Variants in KCNQ3 observed in about 807,000 individuals in gnomAD.
The protein encoded by KCNQ3 is potassium voltage-gated channel subfamily Q member 3.
In KCNQ3, 30 loss-of-function variants were observed where a neutral mutation model predicts 92.5. The ratio of observed to expected loss-of-function variants is 0.32; its 90% CI spans 0.24 to 0.44. KCNQ3 has a LOEUF of 0.44. KCNQ3 is among the 20% of genes least tolerant of loss of function. KCNQ3 has a pLI of 1.00. For missense variants in KCNQ3, 913 were observed against 1,140.3 expected, an observed-to-expected ratio of 0.80 and a Z score of 2.87; for synonymous variants, 450 against 468.8, an observed-to-expected ratio of 0.96 and a Z score of 0.52.
chr8:132,350,725 C>T (rs184196006), intron 1 of KCNQ3, among the ~76,000 whole-genome samples: 1 of 152,278 alleles, frequency 6.6e-6, no homozygotes, highest in Non-Finnish European at 1.5e-5. Flanking sequence ...TCCTCACGCA[C>T]GTGAGTCTTA....
At chr8:132,359,355 G>C (rs971255771) in intron 1 of KCNQ3, among the ~76,000 whole-genome samples, 4 of 152,154 alleles carry the variant, frequency 2.6e-5, no homozygotes, top group Admixed American at 6.5e-5. Flanking sequence ...GCATGGATTG[G>C]CATGAGGCTC....
At position 132,175,597 on chromosome 8, in the gene KCNQ3, C is replaced by T. The variant is rs762086066; in HGVS notation, c.789G>A (p.Thr263=). Residue 263 remains threonine (T), a synonymous_variant, in exon 5 of 15, where the codon ACG becomes ACA. Coordinates refer to ENST00000388996, the MANE Select transcript of KCNQ3 (RefSeq NM_004519.4). ...AICAHSKELI[T]AWYIGFLTLI... ...GTGTCAGGAAACCGATGTACCAGGC[C>T]GTGATGAGTTCCTGAAAGAATGAAC... 2.2e-5 allele frequency: 36 copies of T among 1,613,894 alleles called. No individual in the cohort carries two copies. The South Asian group carries it at 2.6e-4, about 12-fold the overall frequency.
chr8:132,424,476 G>A (rs1821055654), intron 1 of KCNQ3, among the ~76,000 whole-genome samples: 1 of 152,174 alleles, frequency 6.6e-6, no homozygotes, highest in African/African-American at 2.4e-5. Context: ...ATTGTTTCAA[G>A]TCCCACAGTC....
intron 3 of KCNQ3, among the ~76,000 whole-genome samples, chr8:132,181,933 T>G (rs1826792716): frequency 6.6e-6 from 1 of 151,684 alleles, no homozygotes; most frequent in African/African-American, 2.4e-5. Flanking sequence ...TGGTCTCAGC[T>G]ACTTGGGAGG....
intron 1 of KCNQ3, among the ~76,000 whole-genome samples, chr8:132,272,830 A>G (rs1167458097): frequency 6.6e-6 from 1 of 152,180 alleles, no homozygotes; most frequent in Non-Finnish European, 1.5e-5. Flanking sequence ...CAGCCAAACC[A>G]TATATTCCAC....
chr8:132,313,903 G>A (rs954404139), intron 1 of KCNQ3, among the ~76,000 whole-genome samples: 9 of 152,134 alleles, frequency 5.9e-5, no homozygotes, highest in African/African-American at 2.2e-4. Flanking sequence ...TAAGTTCCCA[G>A]CCAAATCTCC....
At chr8:132,467,223 T>C (rs1822193364) in intron 1 of KCNQ3, among the ~76,000 whole-genome samples, 1 of 152,112 alleles carries the variant, frequency 6.6e-6, no homozygotes, top group African/African-American at 2.4e-5. Flanking sequence ...GGGTGTTCCC[T>C]GGGCTCTCAG....
chr8:132,474,625 C>T (rs940949464), intron 1 of KCNQ3, among the ~76,000 whole-genome samples: 4 of 152,120 alleles, frequency 2.6e-5, no homozygotes, highest in African/African-American at 9.7e-5. Flanking sequence ...TCTTGATTAA[C>T]CAGAACCCTT....
intron 6 of KCNQ3, 41 bp from the exon 7 acceptor site, chr8:132,172,734 C>T (rs1197154429): frequency 3.5e-5 from 51 of 1,451,428 alleles, no homozygotes; most frequent in Non-Finnish European, 4.4e-5. Context: ...CCCAGCTAGA[C>T]TGTCCCAGCA....
chr8:132,194,137 T>C (rs572835563), intron 1 of KCNQ3, among the ~76,000 whole-genome samples: 2 of 152,346 alleles, frequency 1.3e-5, no homozygotes, highest in Admixed American at 1.3e-4. Flanking sequence ...AGAATCCTTG[T>C]CTGTCTGCCA....
At chr8:132,397,352 G>A (rs181526441) in intron 1 of KCNQ3, among the ~76,000 whole-genome samples, 1 of 152,246 alleles carries the variant, frequency 6.6e-6, no homozygotes, top group Admixed American at 6.5e-5. Flanking sequence ...AAGATGGCAG[G>A]GCATGAGAGC....
At chr8:132,191,319 T>G (rs1827149417) in intron 1 of KCNQ3, among the ~76,000 whole-genome samples, 1 of 152,000 alleles carries the variant, frequency 6.6e-6, no homozygotes, top group Non-Finnish European at 1.5e-5. Flanking sequence ...GCACCACCAC[T>G]CATGGTTAAT....
chr8:132,250,310 T>G (rs1231798411), intron 1 of KCNQ3, among the ~76,000 whole-genome samples: 1 of 152,186 alleles, frequency 6.6e-6, no homozygotes, highest in Admixed American at 6.5e-5. Context: ...AACAGATTCC[T>G]GACAACATCA....
chr8:132,472,657 A>G (rs1301189088), intron 1 of KCNQ3, among the ~76,000 whole-genome samples: 1 of 152,210 alleles, frequency 6.6e-6, no homozygotes, highest in Non-Finnish European at 1.5e-5. Flanking sequence ...AATGGGTACA[A>G]ACATACAGTC....
chr8:132,442,466 G>A (rs1270784552), intron 1 of KCNQ3, among the ~76,000 whole-genome samples: 1 of 152,168 alleles, frequency 6.6e-6, no homozygotes, highest in Non-Finnish European at 1.5e-5. Flanking sequence ...CATTTGGTGT[G>A]GGTTCCCCAC....
Position 132,138,672 on chromosome 8 carries a change from G to GTTAAC in KCNQ3, c.1569-661_1569-657dup, listed in dbSNP as rs533190791. Among the ~76,000 whole-genome samples the GTTAAC allele has an allele frequency of 1.5e-3, 225 of 152,322 alleles. 1 individual carries two copies. The highest frequency in any genetic ancestry group is 2.7e-3 in the South Asian group (13 of 4,824). ...GTTCCTCCCTGAGCCTCATCATAAAGTTAACTTCTGTTGAGCACAGAGTTT... is the reference window on the plus strand; with the variant it reads ...GTTCCTCCCTGAGCCTCATCATAAAGTTAACTTAACTTCTGTTGAGCACAGAGTTT... On this transcript the variant is annotated intron_variant, in intron 11 of 14. Transcript: ENST00000388996.
chr8:132,214,938 G>A (rs1001870420), intron 1 of KCNQ3, among the ~76,000 whole-genome samples: 32 of 152,328 alleles, frequency 2.1e-4, no homozygotes, highest in African/African-American at 7.5e-4. Context: ...CAGGGCTGGG[G>A]CTCCAAACCC....
intron 1 of KCNQ3, among the ~76,000 whole-genome samples, chr8:132,193,966 T>C (rs1301038249): frequency 6.6e-6 from 1 of 152,180 alleles, no homozygotes; most frequent in Non-Finnish European, 1.5e-5. Context: ...CTTCTCTTCC[T>C]CTGGAGTCTG....
chr8:132,236,356 G>T (rs982086285), intron 1 of KCNQ3, among the ~76,000 whole-genome samples: 1 of 152,014 alleles, frequency 6.6e-6, no homozygotes, highest in Non-Finnish European at 1.5e-5. Context: ...CCAAACACAC[G>T]AAGCAAACAA....
Sources: allele counts gnomAD v4.1 joint callset (sites outside exome capture counted in the v4.1 genomes callset), GRCh38; gene constraint gnomAD v4.1.1; transcripts MANE v1.5; gene names NCBI Gene and HGNC (gene_info 2026-07-23, HGNC 2026-07-21).